GPC6: variants seen among roughly 807,000 people sequenced by gnomAD.
The protein encoded by GPC6 is glypican-6.
GPC6 carries 14 observed loss-of-function variants against 55.2 expected under a neutral mutation model. The ratio of observed to expected loss-of-function variants is 0.25; its 90% CI spans 0.17 to 0.40. The LOEUF (loss-of-function observed/expected upper bound fraction) is 0.40. Ranked by LOEUF, GPC6 falls within the 10% of genes least tolerant of loss-of-function variation. GPC6 has a pLI of 1.00. For missense variants in GPC6, 641 were observed against 708.5 expected, an observed-to-expected ratio of 0.90 and a Z score of 1.08; for synonymous variants, 278 against 259.6, an observed-to-expected ratio of 1.07 and a Z score of -0.68.
At chr13:93,343,281 GT>G in intron 1 of GPC6, among the ~76,000 whole-genome samples, 1 of 152,240 alleles carries the variant, frequency 6.6e-6, no homozygotes, top group Non-Finnish European at 1.5e-5. Flanking sequence ...TATGGATCAA[GT>G]TTAACACATT....
At chr13:93,880,349 A>T (rs937317505) in intron 3 of GPC6, among the ~76,000 whole-genome samples, 6 of 152,264 alleles carry the variant, frequency 3.9e-5, no homozygotes, top group East Asian at 1.9e-4. Context: ...GATTAAGAAA[A>T]TGTGGCACAT....
chr13:94,253,510 C>G (rs1364337621), intron 4 of GPC6, among the ~76,000 whole-genome samples: 1 of 151,770 alleles, frequency 6.6e-6, no homozygotes, highest in Non-Finnish European at 1.5e-5. Context: ...TTCTTTGCAC[C>G]CATGAGTTGA....
chr13:93,476,959 C>G (rs1313407938), intron 1 of GPC6, among the ~76,000 whole-genome samples: 1 of 152,064 alleles, frequency 6.6e-6, no homozygotes, highest in Non-Finnish European at 1.5e-5. Flanking sequence ...TTATAATCCA[C>G]TTAAAAACAT....
At chr13:93,599,988 A>C (rs2139522409) in intron 2 of GPC6, among the ~76,000 whole-genome samples, 1 of 152,322 alleles carries the variant, frequency 6.6e-6, no homozygotes, top group Non-Finnish European at 1.5e-5. Context: ...TTTAGGAAGA[A>C]ACCACCTTAA....
chr13:93,749,619 A>T (rs1229711786), intron 2 of GPC6, among the ~76,000 whole-genome samples: 1 of 152,102 alleles, frequency 6.6e-6, no homozygotes, highest in African/African-American at 2.4e-5. Context: ...TGCAATAAAT[A>T]TTTATAACAT....
intron 1 of GPC6, among the ~76,000 whole-genome samples, chr13:93,391,858 T>C (rs1292443388): frequency 1.3e-5 from 2 of 152,176 alleles, no homozygotes; most frequent in East Asian, 3.9e-4. Flanking sequence ...TTTTGCTTTT[T>C]TCCTATAGAT....
chr13:94,091,040 A>T (rs570289361), intron 4 of GPC6, among the ~76,000 whole-genome samples: 1 of 152,272 alleles, frequency 6.6e-6, no homozygotes, highest in African/African-American at 2.4e-5. Context: ...ATGGGTGCTA[A>T]TGTGTTTCTA....
At chr13:93,491,740 T>A (rs9524093) in intron 1 of GPC6, among the ~76,000 whole-genome samples, 1 of 111,874 alleles carries the variant, frequency 8.9e-6, no homozygotes, top group African/African-American at 3.4e-5. Context: ...TCTACATATG[T>A]CTAGCCAGTT....
At chr13:93,862,365 T>A (rs1456321126) in intron 3 of GPC6, among the ~76,000 whole-genome samples, 1 of 151,396 alleles carries the variant, frequency 6.6e-6, no homozygotes, top group African/African-American at 2.4e-5. Context: ...AGGGGAGATA[T>A]TGCCACTTCT....
At chr13:93,261,434 T>C (rs1187085562) in intron 1 of GPC6, among the ~76,000 whole-genome samples, 3 of 152,194 alleles carry the variant, frequency 2.0e-5, no homozygotes, top group Non-Finnish European at 2.9e-5. Flanking sequence ...CTCTCAGGAA[T>C]AGCACATTTT....
At chr13:93,544,322 A>G (rs1168436648) in intron 1 of GPC6, among the ~76,000 whole-genome samples, 4 of 139,982 alleles carry the variant, frequency 2.9e-5, no homozygotes, top group Non-Finnish European at 6.3e-5. Flanking sequence ...GTACTATTAA[A>G]CATTATAAAT....
chr13:93,573,488 GT>G (rs1242934991), intron 2 of GPC6, among the ~76,000 whole-genome samples: 2 of 151,812 alleles, frequency 1.3e-5, no homozygotes, highest in Non-Finnish European at 2.9e-5. Flanking sequence ...AAAAAAAAAA[GT>G]TTAAATTTTA....
At chr13:94,146,779 A>G (rs960291581) in intron 4 of GPC6, among the ~76,000 whole-genome samples, 7 of 152,174 alleles carry the variant, frequency 4.6e-5, no homozygotes, top group Non-Finnish European at 7.4e-5. Flanking sequence ...TTAGAAATAT[A>G]TTAATTATGT....
chr13:93,304,706 A>C (rs1224246198), intron 1 of GPC6, among the ~76,000 whole-genome samples: 2 of 152,236 alleles, frequency 1.3e-5, no homozygotes, highest in Non-Finnish European at 2.9e-5. Flanking sequence ...TCAATTCCAA[A>C]TACAACAGAG....
At chr13:93,389,382 T>C (rs1005102708) in intron 1 of GPC6, among the ~76,000 whole-genome samples, 1 of 151,604 alleles carries the variant, frequency 6.6e-6, no homozygotes, top group Non-Finnish European at 1.5e-5. Flanking sequence ...CAGGCACCTG[T>C]AGTCCTAGCT....
intron 7 of GPC6, among the ~76,000 whole-genome samples, chr13:94,389,226 T>C (rs539464955): frequency 2.0e-5 from 3 of 152,210 alleles, no homozygotes; most frequent in African/African-American, 7.2e-5. Context: ...AGACTCATGG[T>C]GCAGGTTACA....
In GPC6 at chr13:94,185,984, C is replaced by T. The variant is rs561290851; in HGVS notation, c.878-100365C>T. Among the ~76,000 whole-genome samples the T allele has an allele frequency of 1.6e-3, 194 of 124,434 alleles. 1 individual carries two copies. The highest frequency in any genetic ancestry group is 2.5e-3 in the Admixed American group (24 of 9,550). The allele number at this position is 124,434 out of a possible 152,430, so 81.6% of individuals were successfully genotyped here. A position where few individuals can be genotyped will look rare whatever the true frequency, so the allele number is the denominator to read the frequency against. ...CTGAGGCAGGAGAATGGCATGAACC[C>T]GGGAGGCGGAGCTTACAGTGAGCCG... is the stretch of plus-strand genomic sequence containing the variant. On this transcript the variant is annotated intron_variant, in intron 4 of 8. Coordinates refer to ENST00000377047, the MANE Select transcript of GPC6 (RefSeq NM_005708.5).
chr13:94,326,936 C>T (rs1044718010), intron 6 of GPC6, among the ~76,000 whole-genome samples: 2 of 152,162 alleles, frequency 1.3e-5, no homozygotes, highest in Non-Finnish European at 2.9e-5. Flanking sequence ...GAAATGCAAG[C>T]GTGGGAAAAG....
intron 1 of GPC6, among the ~76,000 whole-genome samples, chr13:93,509,957 T>G (rs1423005720): frequency 6.6e-6 from 1 of 152,208 alleles, no homozygotes; most frequent in African/African-American, 2.4e-5. Flanking sequence ...ATTTTTCTGT[T>G]GAATCATAAA....
Sources: gnomAD v4.1 joint callset for allele counts (sites outside exome capture counted in the v4.1 genomes callset) on GRCh38, gnomAD v4.1.1 for gene constraint, MANE v1.5 for transcripts, NCBI Gene and HGNC (gene_info 2026-07-23, HGNC 2026-07-21) for gene names.